PLEKHD1: variants seen among roughly 807,000 people sequenced by gnomAD.
PLEKHD1 encodes pleckstrin homology and coiled-coil domain containing D1.
A neutral mutation model predicts 69.2 loss-of-function variants in PLEKHD1; 51 were observed. That is an observed-to-expected ratio of 0.74 (90% CI 0.59 to 0.93). The LOEUF (loss-of-function observed/expected upper bound fraction) is 0.93. Ranked by LOEUF, PLEKHD1 falls within the 40% of genes least tolerant of loss-of-function variation. The pLI is 0.00. For missense variants in PLEKHD1, 584 were observed against 641.0 expected, an observed-to-expected ratio of 0.91 and a Z score of 0.96; for synonymous variants, 236 against 244.7, an observed-to-expected ratio of 0.96 and a Z score of 0.33.
chr14:69,484,396 C>T (rs1383242560), upstream of PLEKHD1, among the ~76,000 whole-genome samples: 1 of 152,202 alleles, frequency 6.6e-6, no homozygotes, highest in Non-Finnish European at 1.5e-5. Context: ...GCCTCCAACC[C>T]CATTGCAAAG....
In PLEKHD1 at chr14:69,484,746, T is replaced by C; in HGVS notation, c.-220T>C. On this transcript the variant is annotated 5_prime_UTR_variant, in exon 1 of 13. Transcript: ENST00000322564. ...TCCCCGCGGAGTTCCCGCCCGGCCC[T>C]CTGCAATCCGGAGCCCAAGCCGCCG... 3.8e-6 allele frequency: 2 copies of C among 519,920 alleles called. No homozygotes were observed. The highest frequency in any genetic ancestry group is 1.0e-3 in the Middle Eastern group (2 of 1,920). 32.2% of individuals were successfully genotyped at this position (519,920 alleles called of 1,614,324 possible).
the PLEKHD1 span, among the ~76,000 whole-genome samples, chr14:69,478,069 A>G: frequency 6.6e-6 from 1 of 152,226 alleles, no homozygotes; most frequent in Admixed American, 6.5e-5. Flanking sequence ...GTGTTTCCAT[A>G]CATCTGAAAT....
At chr14:69,468,549 CTTT>C in the PLEKHD1 span, among the ~76,000 whole-genome samples, 2 of 62,972 alleles carry the variant, frequency 3.2e-5, no homozygotes, top group East Asian at 2.8e-4. Flanking sequence ...TCCTTCCTTT[CTTT>C]CTTTCTTTCT....
chr14:69,524,659 C>T (rs1020341879), intron 8 of PLEKHD1, among the ~76,000 whole-genome samples: 7 of 152,158 alleles, frequency 4.6e-5, no homozygotes, highest in African/African-American at 1.7e-4. Context: ...CCCACCGCTT[C>T]CTTCTTGTGT....
chr14:69,495,399 G>GCTCAAA (rs1882866470), intron 1 of PLEKHD1, among the ~76,000 whole-genome samples: 1 of 152,114 alleles, frequency 6.6e-6, no homozygotes, highest in East Asian at 1.9e-4. Flanking sequence ...GCCTTCCAGT[G>GCTCAAA]GCTGTCTCTC....
Position 69,522,394 on chromosome 14 carries a change from G to T in PLEKHD1, c.650+17G>T. On this transcript the variant is annotated intron_variant, in intron 7 of 12. Transcript: ENST00000322564. ...GATCAAGAGGTGGTGGTGGTGCCTG[G>T]GAATTGGGGGTGCCACTAAGTTAGG... The T allele has an allele frequency of 1.3e-6, 2 of 1,550,916 alleles. No homozygotes were observed. Among genetic ancestry groups the T allele is most frequent in the Non-Finnish European group, 1.7e-6 (2 of 1,146,596 alleles).
the PLEKHD1 span, among the ~76,000 whole-genome samples, chr14:69,477,187 A>G: frequency 4.8e-4 from 73 of 152,124 alleles, no homozygotes; most frequent in Middle Eastern, 6.8e-3. Context: ...TAATTTTTGG[A>G]TTTTTAGTAG....
chr14:69,495,162 C>T (rs541689533), intron 1 of PLEKHD1, among the ~76,000 whole-genome samples: 6 of 152,304 alleles, frequency 3.9e-5, no homozygotes, highest in African/African-American at 1.4e-4. Flanking sequence ...TTATGCTGTC[C>T]TTCAGAAGCA....
chr14:69,511,283 C>G (rs1192575975), intron 6 of PLEKHD1, among the ~76,000 whole-genome samples: 2 of 152,080 alleles, frequency 1.3e-5, no homozygotes, highest in African/African-American at 4.8e-5. Flanking sequence ...CTCAGCCTCC[C>G]AAGTAGCTGG....
At chr14:69,485,215 G>C (rs1467693343) in intron 1 of PLEKHD1, 101 bp downstream of exon 1, 1 of 1,324,876 alleles carries the variant, frequency 7.5e-7, no homozygotes, top group African/African-American at 1.5e-5. Flanking sequence ...CTGCTTTCCT[G>C]TGTGACCTTG....
At chr14:69,486,339 G>T (rs1882655165) in intron 1 of PLEKHD1, among the ~76,000 whole-genome samples, 1 of 152,172 alleles carries the variant, frequency 6.6e-6, no homozygotes, top group African/African-American at 2.4e-5. Flanking sequence ...TTATATCTCT[G>T]GTTTCATGTT....
At chr14:69,500,828 G>A (rs1207033060) in intron 3 of PLEKHD1, 43 bp from the exon 4 acceptor site, 23 of 1,549,410 alleles carry the variant, frequency 1.5e-5, no homozygotes, top group South Asian at 4.8e-5. Flanking sequence ...CACCCTCAGC[G>A]TGGCTGCCTC....
chr14:69,528,379 A>G lies in PLEKHD1; in HGVS notation c.1481A>G (p.Gln494Arg), dbSNP rs535427357. Residue 494 changes from glutamine to arginine, a missense_variant, in exon 13 of 13, where the codon CAG (glutamine) becomes CGG (arginine). Gln to Arg is a conservative substitution (Grantham distance 43, BLOSUM62 1). Coordinates refer to ENST00000322564, the MANE Select transcript of PLEKHD1 (RefSeq NM_001161498.2). ...TCCATCTACCACATCATGGCCACCC[A>G]GCCTGGAGCCCCCTCGGCACTCTCC... Reference protein sequence around the residue: ...RESIYHIMATQPGAPSALSRG... With the variant: ...RESIYHIMATRPGAPSALSRG... 1 of 1,551,496 alleles carries G rather than the reference A, an allele frequency of 6.4e-7. No homozygotes were observed. Among genetic ancestry groups the G allele is most frequent in the African/African-American group, 1.4e-5 (1 of 73,160 alleles).
chr14:69,524,768 G>A (rs76986995), intron 8 of PLEKHD1, among the ~76,000 whole-genome samples: 3,069 of 152,198 alleles, frequency 0.02, 110 homozygotes, highest in African/African-American at 0.069. Flanking sequence ...ATGGGGTGGG[G>A]AGGTGACAAG....
intron 6 of PLEKHD1, among the ~76,000 whole-genome samples, chr14:69,507,700 A>G (rs1883182675): frequency 6.6e-6 from 1 of 152,032 alleles, no homozygotes; most frequent in African/African-American, 2.4e-5. Flanking sequence ...AATTTTGGCT[A>G]TTTTATTTTT....
intron 6 of PLEKHD1, among the ~76,000 whole-genome samples, chr14:69,503,912 G>C (rs1025695637): frequency 6.7e-6 from 1 of 149,950 alleles, no homozygotes; most frequent in Non-Finnish European, 1.5e-5. Flanking sequence ...ACTGGGCCTT[G>C]CCTGTTCTGA....
chr14:69,498,895 G>A (rs61982431), intron 1 of PLEKHD1, among the ~76,000 whole-genome samples: 11,214 of 151,966 alleles, frequency 0.074, 585 homozygotes, highest in African/African-American at 0.15. Flanking sequence ...TGATCCGCCC[G>A]CCTCAGCCTC....
the PLEKHD1 span, among the ~76,000 whole-genome samples, chr14:69,475,629 G>A: frequency 0.021 from 3,125 of 152,236 alleles, 119 homozygotes; most frequent in African/African-American, 0.072. Context: ...ACTTTGAAGC[G>A]GGGGCCTGCT....
chr14:69,506,358 G>A (rs1418488139), intron 6 of PLEKHD1, among the ~76,000 whole-genome samples: 1 of 152,174 alleles, frequency 6.6e-6, no homozygotes, highest in Non-Finnish European at 1.5e-5. Context: ...AGACAACTCA[G>A]TCTATAATGG....
Sources: allele counts gnomAD v4.1 joint callset (sites outside exome capture counted in the v4.1 genomes callset), GRCh38; gene constraint gnomAD v4.1.1; transcripts MANE v1.5; gene names NCBI Gene and HGNC (gene_info 2026-07-23, HGNC 2026-07-21).